Variants in RUVBL2 observed in about 807,000 individuals in gnomAD.
RUVBL2 encodes RuvB like AAA ATPase 2.
Under a neutral mutation model 57.9 loss-of-function variants are expected in RUVBL2, and 9 were observed. The observed-to-expected ratio is 0.16, with a 90% confidence interval of 0.09 to 0.27. The LOEUF is 0.27. Among genes scored for constraint, RUVBL2 ranks in the 10% least tolerant of loss-of-function variants. RUVBL2 has a pLI of 1.00. For missense variants in RUVBL2, 456 were observed against 669.6 expected (o/e 0.68, Z 3.52); for synonymous variants, 278 against 264.6 (o/e 1.05, Z -0.49).
At chr19:49,013,899 C>T (rs1000792957) in intron 11 of RUVBL2, among the ~76,000 whole-genome samples, 21 of 152,312 alleles carry the variant, frequency 1.4e-4, no homozygotes, top group African/African-American at 4.8e-4. Context: ...CGCAACAGAG[C>T]GAGACTCCGT....
At chr19:48,993,532 T>C, upstream of RUVBL2, 1 of 442,714 alleles carries the variant, frequency 2.3e-6, no homozygotes, top group Non-Finnish European at 4.2e-6. Context: ...CCTTCAGCTC[T>C]GTCAATCTGG....
In RUVBL2 at chr19:49,004,360, C is replaced by G; in HGVS notation, c.207C>G (p.Ala69=). The change falls in exon 4 of 15, where the codon GCC becomes GCG. Residue 69 remains alanine, a synonymous_variant. Coordinates refer to ENST00000595090, the MANE Select transcript of RUVBL2 (RefSeq NM_006666.3). ...AGATGATCCGGGAAGGGAAGATTGCCGGTCGGGCAGTCCTTATTGCTGGCC... is the reference window on the plus strand; with the variant it reads ...AGATGATCCGGGAAGGGAAGATTGCGGGTCGGGCAGTCCTTATTGCTGGCC... ...VLEMIREGKI[A]GRAVLIAGQP... 6.2e-7 allele frequency: 1 copy of G among 1,613,164 alleles called. No homozygotes were observed. Among genetic ancestry groups the G allele is most frequent in the Non-Finnish European group, 8.5e-7 (1 of 1,179,942 alleles).
intron 4 of RUVBL2, among the ~76,000 whole-genome samples, chr19:49,004,869 G>A (rs1381243905): frequency 6.6e-6 from 1 of 151,906 alleles, no homozygotes; most frequent in Non-Finnish European, 1.5e-5. Flanking sequence ...AGGGGAGGCT[G>A]GCACATTAAA....
At chr19:49,009,694 C>T in intron 6 of RUVBL2, 82 bp from the exon 7 acceptor site, 1 of 1,219,424 alleles carries the variant, frequency 8.2e-7, no homozygotes, top group Non-Finnish European at 1.2e-6. Context: ...AGAGCAGAGC[C>T]AGAAGCTTAT....
chr19:48,998,550 A>C (rs2039110134), intron 1 of RUVBL2, among the ~76,000 whole-genome samples: 1 of 151,632 alleles, frequency 6.6e-6, no homozygotes, highest in East Asian at 1.9e-4. Flanking sequence ...TATTAAAAAT[A>C]CAAAAAAAAT....
Position 49,010,245 on chromosome 19 carries a change from T to C in RUVBL2, c.663+179T>C, listed in dbSNP as rs73579786. On this transcript the variant is annotated intron_variant, in intron 8 of 14. Coordinates refer to ENST00000595090, the MANE Select transcript of RUVBL2 (RefSeq NM_006666.3). ...GGGCCCCTCAGCCTGGCACTATAGC[T>C]TCGCATGGCCACATGTGGCCTGTGG... 0.038 allele frequency: 27,246 copies of C among 716,112 alleles called. 5,359 individuals carry two copies. In the African/African-American group the frequency reaches 0.43, roughly 11 times the overall value. 44.4% of individuals were successfully genotyped at this position (716,112 alleles called of 1,614,324 possible). A position where few individuals can be genotyped will look rare whatever the true frequency, so the allele number is the denominator to read the frequency against.
At chr19:49,012,279 G>A (rs1243619568) in intron 11 of RUVBL2, among the ~76,000 whole-genome samples, 1 of 152,168 alleles carries the variant, frequency 6.6e-6, no homozygotes, top group Non-Finnish European at 1.5e-5. Context: ...CTCTGTGTTT[G>A]GCTCTTTTAA....
In RUVBL2 at chr19:49,004,434, G is replaced by A; in HGVS notation, c.265+16G>A. On this transcript the variant is annotated intron_variant, in intron 4 of 14. Coordinates refer to ENST00000595090, the MANE Select transcript of RUVBL2 (RefSeq NM_006666.3). The stretch of plus-strand genomic sequence containing the variant: ...ATCGCCATGGGTAAGAAACCTCCCA[G>A]GGCAGGAACTCTCCTGTTTCCTGCT... 6.2e-7 allele frequency: 1 copy of A among 1,606,466 alleles called. No individual in the cohort carries two copies. The highest frequency in any genetic ancestry group is 8.5e-7 in the Non-Finnish European group (1 of 1,176,930).
intron 2 of RUVBL2, among the ~76,000 whole-genome samples, chr19:48,999,945 T>C (rs1470565824): frequency 6.6e-6 from 1 of 152,152 alleles, no homozygotes; most frequent in Non-Finnish European, 1.5e-5. Flanking sequence ...CAGGGTGCGC[T>C]CTCACAAAGA....
In RUVBL2 at chr19:49,014,349, C is replaced by G. The variant is rs2039497916; in HGVS notation, c.1002-135C>G. On this transcript the variant is annotated intron_variant, in intron 11 of 14. Transcript: ENST00000595090. ...CATCAGGGGTGATGTCATCATGTGACAGGAGACGCGAGCTAAAGGTTAAGT... is the reference window on the plus strand; with the variant it reads ...CATCAGGGGTGATGTCATCATGTGAGAGGAGACGCGAGCTAAAGGTTAAGT... The G allele has an allele frequency of 6.7e-6, 7 of 1,037,690 alleles. No homozygotes were observed. The South Asian group carries it at 1.1e-4, about 16-fold the overall frequency. The allele number at this position is 1,037,690 out of a possible 1,614,324, so 64.3% of individuals were successfully genotyped here. A position where few individuals can be genotyped will look rare whatever the true frequency, so the allele number is the denominator to read the frequency against.
upstream of RUVBL2, chr19:48,993,467 G>A (rs936624087): frequency 4.7e-6 from 2 of 428,220 alleles, no homozygotes; most frequent in Admixed American, 3.6e-5. Context: ...CCCCGCCTCG[G>A]CCGTGAGACC....
intron 13 of RUVBL2, 158 bp from the exon 14 acceptor site, chr19:49,015,414 T>C (rs749307870): frequency 1.4e-6 from 1 of 718,526 alleles, no homozygotes; most frequent in East Asian, 2.7e-5. Flanking sequence ...AACAAGGAGA[T>C]GGCCAGGCAG....
chr19:49,004,445 C>T (rs1468626245), intron 4 of RUVBL2, 27 bp downstream of exon 4: 3 of 1,591,306 alleles, frequency 1.9e-6, no homozygotes, highest in Non-Finnish European at 2.6e-6. Flanking sequence ...GGCAGGAACT[C>T]TCCTGTTTCC....
intron 12 of RUVBL2, 119 bp downstream of exon 12, chr19:49,014,722 C>T: frequency 7.3e-7 from 1 of 1,368,370 alleles, no homozygotes; most frequent in Non-Finnish European, 9.9e-7. Context: ...GGAGAGAGGG[C>T]TGAGCGGGCA....
At chr19:48,999,939 G>A (rs2039145359) in intron 2 of RUVBL2, among the ~76,000 whole-genome samples, 1 of 152,206 alleles carries the variant, frequency 6.6e-6, no homozygotes, top group African/African-American at 2.4e-5. Flanking sequence ...GGCCAGCAGG[G>A]TGCGCTCTCA....
At chr19:48,997,141 C>T (rs1447611375) in intron 1 of RUVBL2, among the ~76,000 whole-genome samples, 1 of 152,136 alleles carries the variant, frequency 6.6e-6, no homozygotes, top group Non-Finnish European at 1.5e-5. Context: ...TGCCTCTTAC[C>T]TGTCACCGCT....
At chr19:49,006,156 T>G (rs2039278485) in intron 4 of RUVBL2, among the ~76,000 whole-genome samples, 1 of 152,212 alleles carries the variant, frequency 6.6e-6, no homozygotes, top group Non-Finnish European at 1.5e-5. Flanking sequence ...CAGCAGATAC[T>G]TGCTGAGTTC....
chr19:49,001,016 G>A (rs997268662), intron 2 of RUVBL2, among the ~76,000 whole-genome samples: 4 of 151,778 alleles, frequency 2.6e-5, no homozygotes, highest in African/African-American at 7.3e-5. Context: ...AAAATTAGCC[G>A]GCAGTGGTGG....
At position 49,015,131 on chromosome 19, in the gene RUVBL2, T is replaced by C. The variant is rs1333368548; in HGVS notation, c.1232T>C (p.Leu411Ser). Residue 411 changes from leucine (L) to serine (S), a missense_variant, in exon 13 of 15, where the codon TTG becomes TCG. By Grantham distance (145) the Leu-to-Ser change is moderately radical. Coordinates refer to ENST00000595090, the MANE Select transcript of RUVBL2 (RefSeq NM_006666.3). ...YAIQLITAAS[L>S]VCRKRKGTEV... ...ATCCAGCTCATCACAGCTGCCAGCT[T>C]GGTGTGCCGGAAACGCAAGGTCAGC... 6.2e-7 allele frequency: 1 copy of C among 1,609,248 alleles called. No homozygotes were observed. The highest frequency in any genetic ancestry group is 1.3e-5 in the African/African-American group (1 of 74,790).
Sources: gnomAD v4.1 joint callset for allele counts (sites outside exome capture counted in the v4.1 genomes callset) on GRCh38, gnomAD v4.1.1 for gene constraint, MANE v1.5 for transcripts, NCBI Gene and HGNC (gene_info 2026-07-23, HGNC 2026-07-21) for gene names.